SGCZ: variants seen among roughly 807,000 people sequenced by gnomAD.
The protein encoded by SGCZ is sarcoglycan zeta.
SGCZ carries 40 observed loss-of-function variants against 41.3 expected under a neutral mutation model. The ratio of observed to expected loss-of-function variants is 0.97; its 90% CI spans 0.75 to 1.26. SGCZ has a LOEUF of 1.26. SGCZ is among the 50% of genes most tolerant of loss of function. The probability of loss-of-function intolerance (pLI) is 0.00; values close to 1 mark genes in which losing one functional copy is unlikely to be tolerated. For missense variants in SGCZ, 552 were observed against 369.8 expected, an observed-to-expected ratio of 1.49 and a Z score of -4.04; for synonymous variants, 206 against 137.5, an observed-to-expected ratio of 1.50 and a Z score of -3.49.
intron 1 of SGCZ, among the ~76,000 whole-genome samples, chr8:14,813,523 G>A (rs1010050535): frequency 1.3e-5 from 2 of 152,158 alleles, no homozygotes; most frequent in African/African-American, 4.8e-5. Context: ...AGTCAAATAA[G>A]ACTAACAGGG....
At chr8:14,270,886 T>C (rs1399868772) in intron 3 of SGCZ, among the ~76,000 whole-genome samples, 9 of 152,144 alleles carry the variant, frequency 5.9e-5, no homozygotes, top group East Asian at 3.9e-4. Context: ...GATGAGCTCA[T>C]GTACTTTGTA....
At chr8:14,817,974 C>G (rs1801957978) in intron 1 of SGCZ, among the ~76,000 whole-genome samples, 1 of 152,140 alleles carries the variant, frequency 6.6e-6, no homozygotes, top group South Asian at 2.1e-4. Flanking sequence ...GGCACCTCGC[C>G]CAGATATGCC....
chr8:14,199,293 C>G (rs1051318431), intron 4 of SGCZ, among the ~76,000 whole-genome samples: 1 of 152,162 alleles, frequency 6.6e-6, no homozygotes, highest in African/African-American at 2.4e-5. Context: ...CCATAGCACT[C>G]CCAAGCTTAT....
intron 1 of SGCZ, among the ~76,000 whole-genome samples, chr8:14,784,074 AG>A (rs556227336): frequency 6.7e-6 from 1 of 148,342 alleles, no homozygotes; most frequent in Admixed American, 6.7e-5. Context: ...TTTTTGAGAT[AG>A]GGTCGCTCTC....
At chr8:14,737,512 T>C (rs1799074333) in intron 1 of SGCZ, among the ~76,000 whole-genome samples, 1 of 152,118 alleles carries the variant, frequency 6.6e-6, no homozygotes, top group East Asian at 1.9e-4. Flanking sequence ...ATTACCTTGT[T>C]AGGGCTGATA....
chr8:14,320,903 T>C (rs1801896026), intron 3 of SGCZ, among the ~76,000 whole-genome samples: 1 of 152,004 alleles, frequency 6.6e-6, no homozygotes, highest in African/African-American at 2.4e-5. Context: ...GATGCAAATT[T>C]TGCTGGTTAG....
intron 1 of SGCZ, among the ~76,000 whole-genome samples, chr8:14,945,958 TTTCAGCCTCCATAATAGCATAAGCCAA>T (rs1800427563): frequency 7.7e-6 from 1 of 130,172 alleles, no homozygotes; most frequent in Non-Finnish European, 1.6e-5. Flanking sequence ...TCATGGGACT[TTTCAGCCTCCATAATAGCATAAGCCAA>T]TTCCCCTACT....
At chr8:14,454,026 G>C (rs1800672278) in intron 2 of SGCZ, among the ~76,000 whole-genome samples, 1 of 152,062 alleles carries the variant, frequency 6.6e-6, no homozygotes. Flanking sequence ...GAATCTTTGT[G>C]AACAGACACT....
At chr8:15,111,717 T>C (rs576951485) in intron 1 of SGCZ, among the ~76,000 whole-genome samples, 3 of 152,098 alleles carry the variant, frequency 2.0e-5, no homozygotes, top group African/African-American at 7.2e-5. Flanking sequence ...CTGGCCAACA[T>C]GGTGAAACCC....
At chr8:14,498,330 A>G (rs1481634961) in intron 2 of SGCZ, among the ~76,000 whole-genome samples, 2 of 152,136 alleles carry the variant, frequency 1.3e-5, no homozygotes, top group African/African-American at 2.4e-5. Flanking sequence ...GTAACAACAC[A>G]CCACAATTTG....
At chr8:15,064,952 T>G (rs558060681) in intron 1 of SGCZ, among the ~76,000 whole-genome samples, 1 of 152,288 alleles carries the variant, frequency 6.6e-6, no homozygotes, top group Admixed American at 6.5e-5. Flanking sequence ...TTACACCATC[T>G]TCATTTTTTC....
intron 1 of SGCZ, among the ~76,000 whole-genome samples, chr8:14,569,282 A>G (rs953531661): frequency 6.6e-6 from 1 of 152,140 alleles, no homozygotes; most frequent in Non-Finnish European, 1.5e-5. Flanking sequence ...CTTAGATCTT[A>G]TATTCTTCTT....
chr8:14,931,090 C>A (rs958860881), intron 1 of SGCZ, among the ~76,000 whole-genome samples: 1 of 152,010 alleles, frequency 6.6e-6, no homozygotes, highest in Non-Finnish European at 1.5e-5. Flanking sequence ...GATTCCAAAT[C>A]TGGTATGAGG....
intron 1 of SGCZ, among the ~76,000 whole-genome samples, chr8:14,786,732 C>T (rs1800778045): frequency 6.6e-6 from 1 of 150,510 alleles, no homozygotes; most frequent in African/African-American, 2.5e-5. Context: ...TAAAGGGAAT[C>T]ATGAAATTAC....
At chr8:14,321,384 G>A (rs1267744569) in intron 3 of SGCZ, among the ~76,000 whole-genome samples, 2 of 152,024 alleles carry the variant, frequency 1.3e-5, no homozygotes, top group African/African-American at 2.4e-5. Flanking sequence ...GATATTTAGC[G>A]ATGGAGAGAG....
chr8:14,200,270 T>C (rs1805411552), intron 4 of SGCZ, among the ~76,000 whole-genome samples: 1 of 152,218 alleles, frequency 6.6e-6, no homozygotes, highest in Non-Finnish European at 1.5e-5. Flanking sequence ...TCAATATTGT[T>C]AAGATAATCG....
chr8:15,173,867 A>G lies in SGCZ; in HGVS notation c.39+63718T>C, dbSNP rs114701753. On this transcript the variant is annotated intron_variant, in intron 1 of 7. Transcript: ENST00000382080. Reference sequence around the variant, plus strand: ...TGATCCTCCTGCCTCAGTTGGGAGCATAGGCATGCACCACCACACCTGGCT... The same window carrying G: ...TGATCCTCCTGCCTCAGTTGGGAGCGTAGGCATGCACCACCACACCTGGCT... Among the ~76,000 whole-genome samples the G allele has an allele frequency of 6.6e-3, 1,000 of 152,210 alleles. 14 individuals carry two copies. Among genetic ancestry groups the G allele is most frequent in the African/African-American group, 0.023 (959 of 41,528 alleles).
intron 2 of SGCZ, among the ~76,000 whole-genome samples, chr8:14,334,386 G>C (rs1008823489): frequency 1.3e-5 from 2 of 151,952 alleles, no homozygotes; most frequent in African/African-American, 4.8e-5. Context: ...ATGTAACACA[G>C]AAAATAAATT....
intron 1 of SGCZ, among the ~76,000 whole-genome samples, chr8:14,655,146 A>G (rs1019815922): frequency 1.3e-5 from 2 of 152,110 alleles, no homozygotes; most frequent in Non-Finnish European, 2.9e-5. Context: ...TACCTACTAT[A>G]TATTCCAGAG....
Sources: allele counts gnomAD v4.1 joint callset (sites outside exome capture counted in the v4.1 genomes callset), GRCh38; gene constraint gnomAD v4.1.1; transcripts MANE v1.5; gene names NCBI Gene and HGNC (gene_info 2026-07-23, HGNC 2026-07-21).